The following CRTC1 variants were observed in gnomAD, a reference collection of about 807,000 sequenced individuals.
The protein encoded by CRTC1 is CREB-regulated transcription coactivator 1.
A neutral mutation model predicts 66.1 loss-of-function variants in CRTC1; 18 were observed. The ratio of observed to expected loss-of-function variants is 0.27; its 90% confidence interval spans 0.19 to 0.40. CRTC1 has a LOEUF of 0.40. Ranked by LOEUF, CRTC1 falls within the 10% of genes least tolerant of loss-of-function variation. CRTC1 has a pLI of 1.00. For synonymous variants in CRTC1, 416 were observed against 398.8 expected (o/e 1.04, Z -0.51); for missense variants, 669 against 887.9 (o/e 0.75, Z 3.13).
intron 1 of CRTC1, among the ~76,000 whole-genome samples, chr19:18,692,024 C>G (rs576371843): frequency 3.9e-5 from 6 of 152,138 alleles, no homozygotes; most frequent in Admixed American, 3.9e-4. Context: ...TCCCCACCCC[C>G]ACTCTTAGGA....
At chr19:18,693,484 TG>T (rs199620551) in intron 1 of CRTC1, among the ~76,000 whole-genome samples, 12,387 of 139,054 alleles carry the variant, frequency 0.089, 1,093 homozygotes, top group African/African-American at 0.19. Context: ...CTTTTGTTTT[TG>T]TTTTTTTTTT....
intron 1 of CRTC1, among the ~76,000 whole-genome samples, chr19:18,691,106 G>A (rs1458270366): frequency 6.6e-6 from 1 of 151,354 alleles, no homozygotes; most frequent in Non-Finnish European, 1.5e-5. Flanking sequence ...AGAGGCCGAG[G>A]CAGGAGGATT....
Position 18,747,045 on chromosome 19 carries a change from C to T in CRTC1, c.382-8C>T. On this transcript the variant is annotated splice_region_variant and splice_polypyrimidine_tract_variant and intron_variant, in intron 3 of 13. Coordinates refer to ENST00000321949, the MANE Select transcript of CRTC1 (RefSeq NM_015321.3). ...AGCCAGTGGCACTGCCCCCTTAACT[C>T]ACCTCACGCCGACAGCTGCCCCTAT... 1 of 1,613,082 alleles carries T rather than the reference C, an allele frequency of 6.2e-7. No individual in the cohort carries two copies. The highest frequency in any genetic ancestry group is 1.1e-5 in the South Asian group (1 of 91,046).
chr19:18,709,027 G>A (rs1173822536), intron 1 of CRTC1, among the ~76,000 whole-genome samples: 1 of 152,174 alleles, frequency 6.6e-6, no homozygotes, highest in Non-Finnish European at 1.5e-5. Flanking sequence ...GTGGGTAAAT[G>A]TCCACCCGGT....
chr19:18,751,458 G>T (rs185406625), intron 5 of CRTC1, among the ~76,000 whole-genome samples: 2 of 152,102 alleles, frequency 1.3e-5, no homozygotes, highest in Admixed American at 6.5e-5. Flanking sequence ...AGCCTGGGAG[G>T]TGGAAGTTGC....
intron 9 of CRTC1, 103 bp downstream of exon 9, chr19:18,765,631 A>C: frequency 8.9e-7 from 1 of 1,123,100 alleles, no homozygotes; most frequent in Non-Finnish European, 1.2e-6. Context: ...AGGCCACAAA[A>C]CCTTGAGAAT....
intron 9 of CRTC1, among the ~76,000 whole-genome samples, chr19:18,768,000 G>A (rs767819707): frequency 1.3e-5 from 2 of 152,144 alleles, no homozygotes; most frequent in East Asian, 3.8e-4. Flanking sequence ...GCCTGAGCCA[G>A]CCCTTGGTGA....
chr19:18,753,852 T>C (rs954689886), intron 6 of CRTC1, among the ~76,000 whole-genome samples: 7 of 151,870 alleles, frequency 4.6e-5, no homozygotes, highest in African/African-American at 1.2e-4. Context: ...GTAATCCCAG[T>C]ACTTTGGGAG....
At chr19:18,744,438 C>T (rs1462490771) in intron 2 of CRTC1, among the ~76,000 whole-genome samples, 3 of 152,156 alleles carry the variant, frequency 2.0e-5, no homozygotes, top group Non-Finnish European at 4.4e-5. Flanking sequence ...AGAGCAGAAT[C>T]CCAGCATGTG....
At chr19:18,744,257 C>T (rs1043709314) in intron 2 of CRTC1, 22 of 1,156,902 alleles carry the variant, frequency 1.9e-5, no homozygotes, top group African/African-American at 3.1e-5. Flanking sequence ...CCCAAGCGGC[C>T]GCCCCTGCGG....
intron 1 of CRTC1, among the ~76,000 whole-genome samples, chr19:18,698,724 G>A (rs1181838748): frequency 1.3e-5 from 2 of 151,944 alleles, no homozygotes; most frequent in South Asian, 2.1e-4. Context: ...TGTGTACTTA[G>A]CAGGCACTTA....
chr19:18,696,126 G>A (rs193228839), intron 1 of CRTC1, among the ~76,000 whole-genome samples: 7 of 152,308 alleles, frequency 4.6e-5, no homozygotes, highest in Non-Finnish European at 5.9e-5. Flanking sequence ...AGACAGGCCC[G>A]GAGAGCGAAT....
At chr19:18,770,601 G>A (rs771149747) in intron 10 of CRTC1, among the ~76,000 whole-genome samples, 1 of 152,200 alleles carries the variant, frequency 6.6e-6, no homozygotes, top group East Asian at 1.9e-4. Context: ...TGCACAAGTG[G>A]GTGGGTGCGG....
intron 6 of CRTC1, among the ~76,000 whole-genome samples, chr19:18,758,491 C>G (rs1361868250): frequency 6.6e-6 from 1 of 152,100 alleles, no homozygotes; most frequent in Non-Finnish European, 1.5e-5. Flanking sequence ...GTCCATGTCC[C>G]GAAAGTGTCC....
intron 1 of CRTC1, among the ~76,000 whole-genome samples, chr19:18,691,391 G>T (rs183250113): frequency 6.6e-6 from 1 of 151,712 alleles, no homozygotes; most frequent in Non-Finnish European, 1.5e-5. Context: ...GTGTGGTGGC[G>T]TGCACCTGTA....
intron 6 of CRTC1, among the ~76,000 whole-genome samples, chr19:18,758,373 AAAG>A (rs1047895155): frequency 4.0e-5 from 6 of 149,550 alleles, no homozygotes; most frequent in African/African-American, 1.3e-4. Context: ...AAAAAAAAAA[AAAG>A]AAAGAAAAAA....
chr19:18,728,859 C>CTGGAG (rs1213598618), intron 1 of CRTC1, among the ~76,000 whole-genome samples: 1 of 130,158 alleles, frequency 7.7e-6, no homozygotes, highest in Non-Finnish European at 1.6e-5. Context: ...GTCGCCCAGG[C>CTGGAG]TGGAGTGCAG....
chr19:18,687,979 C>T lies in CRTC1; in HGVS notation c.126+4151C>T, dbSNP rs143662719. On this transcript the variant is annotated intron_variant, in intron 1 of 13. Transcript: ENST00000321949. ...GGTGGGTTTCTCAACCCCTCTGGGC[C>T]GTAGAATCCTGAGTTGTAAAGTTGG... Among the ~76,000 whole-genome samples the T allele has an allele frequency of 2.9e-4, 44 of 152,088 alleles. No homozygotes were observed. The East Asian group carries it at 5.6e-3, about 19-fold the overall frequency.
chr19:18,731,539 G>A (rs1177317516), intron 1 of CRTC1, among the ~76,000 whole-genome samples: 1 of 152,172 alleles, frequency 6.6e-6, no homozygotes, highest in African/African-American at 2.4e-5. Context: ...ATAAGGTCAC[G>A]TTCCGAGGTT....
Sources: gnomAD v4.1 joint callset for allele counts (sites outside exome capture counted in the v4.1 genomes callset) on GRCh38, gnomAD v4.1.1 for gene constraint, MANE v1.5 for transcripts, NCBI Gene and HGNC (gene_info 2026-07-23, HGNC 2026-07-21) for gene names.